Variants in TMEM167A observed in about 807,000 individuals in gnomAD.
The protein encoded by TMEM167A is transmembrane protein 167A.
In TMEM167A, 8 loss-of-function variants were observed where a neutral mutation model predicts 11.6. The ratio of observed to expected loss-of-function variants is 0.69; its 90% CI spans 0.40 to 1.24. The LOEUF (loss-of-function observed/expected upper bound fraction) is 1.24. Ranked by LOEUF, TMEM167A falls within the 50% of genes most tolerant of loss-of-function variation. The pLI is 0.01. For synonymous variants in TMEM167A, 22 were observed against 28.0 expected (o/e 0.79, Z 0.67); for missense variants, 62 against 87.0 (o/e 0.71, Z 1.14).
At position 83,056,838 on chromosome 5, in the gene TMEM167A, A is replaced by T. The variant is rs558128516; in HGVS notation, c.*246T>A. 3.5e-5 allele frequency: 18 copies of T among 519,370 alleles called. No individual in the cohort carries two copies. The East Asian group carries it at 6.2e-4, about 18-fold the overall frequency. The allele number at this position is 519,370 out of a possible 1,614,324, so 32.2% of individuals were successfully genotyped here. On this transcript the variant is annotated 3_prime_UTR_variant, in exon 4 of 4. Coordinates refer to ENST00000502346, the MANE Select transcript of TMEM167A (RefSeq NM_174909.5). ...TTTGTATCTGATACAACAGAATAAC[A>T]TTTGCAGAATGTAATATTGTAGTGA...
In TMEM167A at chr5:83,063,049, C is replaced by T. The variant is rs148273622; in HGVS notation, c.114-1138G>A. 3.8e-3 allele frequency among the ~76,000 whole-genome samples: 572 copies of T among 151,994 alleles called. 4 individuals are homozygous for T. The highest frequency in any genetic ancestry group is 0.013 in the African/African-American group (547 of 41,484). Reference sequence around the variant, plus strand: ...AGAAACTGCTATGAACTGGAATATACATAGTTTAGATTAAATGGAATTAAG... The same window carrying T: ...AGAAACTGCTATGAACTGGAATATATATAGTTTAGATTAAATGGAATTAAG... On this transcript the variant is annotated intron_variant, in intron 2 of 3. Transcript: ENST00000502346.
intron 1 of TMEM167A, among the ~76,000 whole-genome samples, chr5:83,067,279 T>C (rs559012811): frequency 1.3e-5 from 2 of 152,148 alleles, no homozygotes; most frequent in South Asian, 2.1e-4. Context: ...ACTGTTCCAA[T>C]GTCATTTGAA....
intron 1 of TMEM167A, among the ~76,000 whole-genome samples, chr5:83,071,150 T>C (rs10037377): frequency 1.8e-4 from 28 of 151,920 alleles, no homozygotes; most frequent in Admixed American, 2.6e-4. Flanking sequence ...CTTGGATCAC[T>C]TGGGCACTAA....
In TMEM167A at chr5:83,054,518, A is replaced by G. The variant is rs1744301277; in HGVS notation, c.*2566T>C. The G allele has an allele frequency of 6.6e-6, 1 of 152,000 alleles. No homozygotes were observed. Among genetic ancestry groups the G allele is most frequent in the African/African-American group, 2.4e-5 (1 of 41,416 alleles). The allele number at this position is 152,000 out of a possible 1,614,324, so 9.4% of individuals were successfully genotyped here. A position where few individuals can be genotyped will look rare whatever the true frequency, so the allele number is the denominator to read the frequency against. ...CCATCATCCGATCCTGCCCTGTAAC[A>G]ACAGGTCTATATGATAGAGATATTC... On this transcript the variant is annotated 3_prime_UTR_variant, in exon 4 of 4. Coordinates refer to ENST00000502346, the MANE Select transcript of TMEM167A (RefSeq NM_174909.5).
chr5:83,067,110 T>C (rs1744494413), intron 1 of TMEM167A, among the ~76,000 whole-genome samples: 1 of 152,174 alleles, frequency 6.6e-6, no homozygotes, highest in African/African-American at 2.4e-5. Flanking sequence ...CAGATTTTTA[T>C]ATTGGAAGGC....
At position 83,055,101 on chromosome 5, in the gene TMEM167A, T is replaced by G. The variant is rs1744309257; in HGVS notation, c.*1983A>C. 1 of 152,044 alleles carries G rather than the reference T, an allele frequency of 6.6e-6. No individual in the cohort carries two copies. The allele number at this position is 152,044 out of a possible 1,614,324, so 9.4% of individuals were successfully genotyped here. ...TTGTGTTTCAAAAGGTCAGAATGGT[T>G]GTTGTTACAAATATGCTGCCTCCCA... On this transcript the variant is annotated 3_prime_UTR_variant, in exon 4 of 4. Transcript: ENST00000502346.
At chr5:83,074,919 T>C (rs6863830) in intron 1 of TMEM167A, among the ~76,000 whole-genome samples, 386 of 152,248 alleles carry the variant, frequency 2.5e-3, no homozygotes, top group African/African-American at 8.6e-3. Flanking sequence ...TACAGGCATG[T>C]GCCACCACGC....
Position 83,076,654 on chromosome 5 carries a change from C to A in TMEM167A, c.3+667G>T, listed in dbSNP as rs532929962. Among the ~76,000 whole-genome samples, 10 of 152,332 alleles carry A rather than the reference C, an allele frequency of 6.6e-5. No homozygotes were observed. In the South Asian group the frequency reaches 1.7e-3, roughly 25 times the overall value. Reference sequence around the variant, plus strand: ...AGTTGTTTTTGGGTCTATTTGCAGGCATGCATCCTTTGTCCAGAAATATAC... The same window carrying A: ...AGTTGTTTTTGGGTCTATTTGCAGGAATGCATCCTTTGTCCAGAAATATAC... On this transcript the variant is annotated intron_variant, in intron 1 of 3. Coordinates refer to ENST00000502346, the MANE Select transcript of TMEM167A (RefSeq NM_174909.5).
chr5:83,077,309 C>T lies in TMEM167A; in HGVS notation c.3+12G>A, dbSNP rs184220084. The T allele has an allele frequency of 6.2e-7, 1 of 1,614,222 alleles. No homozygotes were observed. Among genetic ancestry groups the T allele is most frequent in the East Asian group, 2.2e-5 (1 of 44,880 alleles). On this transcript the variant is annotated intron_variant, in intron 1 of 3. Coordinates refer to ENST00000502346, the MANE Select transcript of TMEM167A (RefSeq NM_174909.5). Reference sequence around the variant, plus strand: ...CGAAGATCAACCGCGACCTGGGAGCCCCACTTCTTACCATAGCGAGGCCGG... The same window carrying T: ...CGAAGATCAACCGCGACCTGGGAGCTCCACTTCTTACCATAGCGAGGCCGG...
chr5:83,076,509 C>G (rs1744667273), intron 1 of TMEM167A, among the ~76,000 whole-genome samples: 1 of 152,208 alleles, frequency 6.6e-6, no homozygotes, highest in South Asian at 2.1e-4. Flanking sequence ...CATCTTCCCA[C>G]CAGGTGGTAA....
At chr5:83,068,001 T>A (rs2112245926) in intron 1 of TMEM167A, among the ~76,000 whole-genome samples, 1 of 152,298 alleles carries the variant, frequency 6.6e-6, no homozygotes, top group African/African-American at 2.4e-5. Context: ...GGTTTTAATC[T>A]TAAACCTGTG....
chr5:83,061,424 T>C (rs1365737541), intron 3 of TMEM167A, among the ~76,000 whole-genome samples: 1 of 128,368 alleles, frequency 7.8e-6, no homozygotes, highest in African/African-American at 2.5e-5. Flanking sequence ...TCTTTTTTTA[T>C]TTTGAGACAG....
chr5:83,077,106 G>C (rs1205572014), intron 1 of TMEM167A, among the ~76,000 whole-genome samples: 2 of 152,170 alleles, frequency 1.3e-5, no homozygotes, highest in Non-Finnish European at 2.9e-5. Flanking sequence ...AAGTAGGAAA[G>C]CGGACTTTGC....
At chr5:83,064,203 T>C (rs1484396578) in intron 2 of TMEM167A, 1 of 516,218 alleles carries the variant, frequency 1.9e-6, no homozygotes, top group South Asian at 1.4e-5. Flanking sequence ...TTTTTGGTCT[T>C]TTATGTTGGA....
chr5:83,075,893 A>C (rs1744644059), intron 1 of TMEM167A, among the ~76,000 whole-genome samples: 1 of 152,238 alleles, frequency 6.6e-6, no homozygotes, highest in African/African-American at 2.4e-5. Flanking sequence ...AGCCTTCTTG[A>C]AACCTCACTT....
chr5:83,077,208 G>T, intron 1 of TMEM167A, 113 bp downstream of exon 1: 1 of 1,491,006 alleles, frequency 6.7e-7, no homozygotes, highest in Non-Finnish European at 9.4e-7. Context: ...TGGCTCCAAG[G>T]CCTCTCAGCT....
chr5:83,069,013 A>G (rs1475016447), intron 1 of TMEM167A, among the ~76,000 whole-genome samples: 1 of 152,150 alleles, frequency 6.6e-6, no homozygotes, highest in African/African-American at 2.4e-5. Context: ...AGAAGATAAA[A>G]AGGCACTTAA....
At chr5:83,057,263 G>A (rs1238744883) in intron 3 of TMEM167A, 109 bp from the exon 4 acceptor site, 6 of 988,748 alleles carry the variant, frequency 6.1e-6, no homozygotes, top group East Asian at 5.1e-5. Context: ...TAGGAGGCCC[G>A]CACATTGGGG....
chr5:83,062,806 C>G (rs1744425636), intron 2 of TMEM167A, among the ~76,000 whole-genome samples: 1 of 149,148 alleles, frequency 6.7e-6, no homozygotes, highest in Admixed American at 6.7e-5. Context: ...ATTATTATCT[C>G]AAGAAAATCA....
Sources: allele counts gnomAD v4.1 joint callset (sites outside exome capture counted in the v4.1 genomes callset), GRCh38; gene constraint gnomAD v4.1.1; transcripts MANE v1.5; gene names NCBI Gene and HGNC (gene_info 2026-07-23, HGNC 2026-07-21).